NUMA1: variants seen among roughly 807,000 people sequenced by gnomAD.
NUMA1 encodes SP-H antigen.
NUMA1 carries 62 observed loss-of-function variants against 237.1 expected under a neutral mutation model. The ratio of observed to expected loss-of-function variants is 0.26; its 90% CI spans 0.21 to 0.32. The LOEUF (loss-of-function observed/expected upper bound fraction) is 0.32, where lower values mean the gene tolerates loss of function less well. Ranked by LOEUF, NUMA1 falls within the 10% of genes least tolerant of loss-of-function variation. The probability of loss-of-function intolerance (pLI) is 1.00; values close to 1 mark genes in which losing one functional copy is unlikely to be tolerated. For missense variants in NUMA1, 2,533 were observed against 2,666.5 expected, an observed-to-expected ratio of 0.95 and a Z score of 1.10; for synonymous variants, 1,028 against 1,066.1, an observed-to-expected ratio of 0.96 and a Z score of 0.70.
intron 2 of NUMA1, among the ~76,000 whole-genome samples, chr11:72,059,645 T>C (rs1942839266): frequency 6.6e-6 from 1 of 152,220 alleles, no homozygotes; most frequent in East Asian, 1.9e-4. Context: ...TTTTGCTACA[T>C]CTGGACATTT....
intron 5 of NUMA1, 155 bp downstream of exon 5, chr11:72,024,119 G>A (rs890266892): frequency 3.2e-6 from 2 of 619,794 alleles, no homozygotes; most frequent in Middle Eastern, 4.4e-4. Context: ...ACAAGACCCA[G>A]GGGATCTGAA....
intron 2 of NUMA1, among the ~76,000 whole-genome samples, chr11:72,045,913 G>A (rs1371621963): frequency 6.6e-6 from 1 of 152,230 alleles, no homozygotes; most frequent in African/African-American, 2.4e-5. Context: ...AGCCCAGATA[G>A]AATTGATATT....
At position 72,015,538 on chromosome 11, in the gene NUMA1, G is replaced by A; in HGVS notation, c.1965C>T (p.Leu655=). Residue 655 remains leucine, a synonymous_variant, in exon 15 of 27, where the codon CTC becomes CTT. Transcript: ENST00000393695. The surrounding 1 kb of genome is among the most constrained non-coding windows in gnomAD (Gnocchi z 4.0). ...GGCGGGCTGTCTCAACACAGGCCTG[G>A]AGTTCCTCCACCTTCCGGCTCAGCT... is the stretch of plus-strand genomic sequence containing the variant. ...KAELSRKVEE[L]QACVETARQE... The A allele has an allele frequency of 1.9e-6, 3 of 1,613,514 alleles. No homozygotes were observed. The highest frequency in any genetic ancestry group is 2.2e-5 in the South Asian group (2 of 91,084).
At chr11:72,020,543 C>T (rs1440121621) in intron 8 of NUMA1, 2 of 152,196 alleles carry the variant, frequency 1.3e-5, no homozygotes, top group African/African-American at 4.8e-5. Flanking sequence ...GCCTTTCCAC[C>T]TAGAACATGC....
chr11:72,040,150 CCAG>C (rs1941492202), intron 2 of NUMA1, among the ~76,000 whole-genome samples: 1 of 152,116 alleles, frequency 6.6e-6, no homozygotes, highest in Non-Finnish European at 1.5e-5. Context: ...TCGGGGCAAA[CCAG>C]TTTGGTCCAT....
chr11:72,007,584 A>G (rs1955828923), intron 20 of NUMA1, 149 bp from the exon 21 acceptor site: 4 of 998,566 alleles, frequency 4.0e-6, no homozygotes, highest in Non-Finnish European at 4.5e-6. Flanking sequence ...TACCAAGGAA[A>G]GCACTTGACC....
In NUMA1 at chr11:72,006,105, A is replaced by G; in HGVS notation, c.5622T>C (p.Pro1874=). 6.2e-7 allele frequency: 1 copy of G among 1,614,124 alleles called. No individual in the cohort carries two copies. Among genetic ancestry groups the G allele is most frequent in the Non-Finnish European group, 8.5e-7 (1 of 1,180,012 alleles). ...DYGNSALLSL[P]GYRPTTRSSA... is the part of the protein sequence containing the mutation. ...AACTGCGAGTGGTGGGGCGGTAGCC[A>G]GGCAAGCTGAGCAGGGCTGAGTTGC... Residue 1874 remains proline (P), a synonymous_variant, in exon 22 of 27, where the codon CCT becomes CCC. Coordinates refer to ENST00000393695, the MANE Select transcript of NUMA1 (RefSeq NM_006185.4).
At chr11:72,012,847 G>A (rs200967539) in intron 15 of NUMA1, 48 bp downstream of exon 15, 661 of 1,588,152 alleles carry the variant, frequency 4.2e-4, no homozygotes, top group Non-Finnish European at 5.1e-4. Flanking sequence ...ATGTCCCCGC[G>A]CTCTCAGCTC....
At chr11:72,027,864 C>T (rs554777416) in intron 4 of NUMA1, among the ~76,000 whole-genome samples, 1 of 152,250 alleles carries the variant, frequency 6.6e-6, no homozygotes, top group Non-Finnish European at 1.5e-5. Flanking sequence ...TGGATGTGAG[C>T]AGAGAGGATG....
At chr11:72,046,320 G>A (rs1164256793) in intron 2 of NUMA1, among the ~76,000 whole-genome samples, 5 of 152,076 alleles carry the variant, frequency 3.3e-5, no homozygotes, top group Admixed American at 6.5e-5. Context: ...CGAGGCAGGC[G>A]GATCACCTGA....
intron 7 of NUMA1, 95 bp downstream of exon 7, chr11:72,022,244 A>G: frequency 1.4e-6 from 1 of 702,730 alleles, no homozygotes; most frequent in Non-Finnish European, 2.4e-6. Context: ...CTGTATTTTT[A>G]AAAAGTCCAG....
chr11:72,040,785 A>G (rs1034814259), intron 2 of NUMA1: 5 of 152,208 alleles, frequency 3.3e-5, no homozygotes, highest in African/African-American at 1.2e-4. Flanking sequence ...TCTGCTCCAC[A>G]GCGCCTGTTT....
rs140321664 is a variant in NUMA1 at position 72,016,176 on chromosome 11, G to C, written c.1327C>G (p.Arg443Gly). ...QARVEMLETERGQQEAKLLAE... is the reference protein window; with the variant it reads ...QARVEMLETEGGQQEAKLLAE... ...AGCAGCTTGGCTTCCTGCTGGCCTC[G>C]CTCAGTCTCCAGCATCTCTACCCTG... Residue 443 changes from arginine (R) to glycine (G), a missense_variant, in exon 15 of 27, where the codon CGA becomes GGA. Arg to Gly is a moderately radical substitution (Grantham distance 125). Transcript: ENST00000393695. 352 of 1,613,596 alleles carry C rather than the reference G, an allele frequency of 2.2e-4. 2 individuals are homozygous for C. The African/African-American group carries it at 4.4e-3, about 20-fold the overall frequency.
chr11:72,062,421 G>C (rs1045152810), intron 2 of NUMA1, among the ~76,000 whole-genome samples: 4 of 152,086 alleles, frequency 2.6e-5, no homozygotes, highest in Non-Finnish European at 1.5e-5. Flanking sequence ...TCAAAGAACA[G>C]TGCATTTTAG....
chr11:72,056,021 C>T (rs1021977718), intron 2 of NUMA1, among the ~76,000 whole-genome samples: 5 of 151,598 alleles, frequency 3.3e-5, no homozygotes, highest in South Asian at 4.2e-4. Context: ...TGGTGGTGCA[C>T]GCCTATAATC....
chr11:72,018,702 G>A, intron 10 of NUMA1, 121 bp downstream of exon 10: 2 of 1,291,360 alleles, frequency 1.5e-6, no homozygotes, highest in Non-Finnish European at 2.1e-6. Context: ...AGGTCAGCCT[G>A]ACCACAGGCC....
intron 2 of NUMA1, among the ~76,000 whole-genome samples, chr11:72,038,224 T>TA (rs1209436298): frequency 6.6e-6 from 1 of 152,136 alleles, no homozygotes; most frequent in African/African-American, 2.4e-5. Flanking sequence ...GCTGTGCTAC[T>TA]AAAAATGTCC....
At chr11:72,069,004 T>C (rs1943327622) in intron 2 of NUMA1, among the ~76,000 whole-genome samples, 1 of 152,200 alleles carries the variant, frequency 6.6e-6, no homozygotes. Flanking sequence ...TTGCTACCTC[T>C]GAGGATATTC....
chr11:72,005,201 G>A (rs1350785065), intron 23 of NUMA1, 32 bp downstream of exon 23: 1 of 1,541,120 alleles, frequency 6.5e-7, no homozygotes, highest in East Asian at 2.5e-5. Flanking sequence ...GGGCAGGGAT[G>A]GGAGGCCCTG....
Sources: gnomAD v4.1 joint callset for allele counts (sites outside exome capture counted in the v4.1 genomes callset) on GRCh38, gnomAD v4.1.1 for gene constraint, Gnocchi (gnomAD v3.1) non-coding constraint, MANE v1.5 for transcripts, NCBI Gene and HGNC (gene_info 2026-07-23, HGNC 2026-07-21) for gene names.